Variants in ATP2B2 observed in about 807,000 individuals in gnomAD.
The protein encoded by ATP2B2 is ATPase plasma membrane Ca2+ transporting 2, also known as plasma membrane calcium-transporting ATPase 2.
A neutral mutation model predicts 120.0 loss-of-function variants in ATP2B2; 15 were observed. The ratio of observed to expected loss-of-function variants is 0.12; its 90% CI spans 0.08 to 0.19. The LOEUF (loss-of-function observed/expected upper bound fraction) is 0.19. Among genes scored for constraint, ATP2B2 ranks in the 10% least tolerant of loss-of-function variants. The pLI, the probability that ATP2B2 is intolerant of heterozygous loss-of-function variation, is 1.00. For missense variants in ATP2B2, 1,045 were observed against 1,719.8 expected (o/e 0.61, Z 6.94); for synonymous variants, 694 against 700.3 (o/e 0.99, Z 0.14).
chr3:10,545,227 CA>C (rs1253573172), intron 2 of ATP2B2, among the ~76,000 whole-genome samples: 1 of 152,194 alleles, frequency 6.6e-6, no homozygotes, highest in African/African-American at 2.4e-5. Flanking sequence ...CATACACACA[CA>C]TGAAAGAAAA....
At chr3:10,365,882 G>T (rs1034374582) in intron 12 of ATP2B2, among the ~76,000 whole-genome samples, 2 of 31,354 alleles carry the variant, frequency 6.4e-5, no homozygotes, top group African/African-American at 2.5e-4. Context: ...GTCACTGTGT[G>T]CATATCAGGG....
Position 10,402,496 on chromosome 3 carries a change from G to T in ATP2B2, c.398-148C>A. Reference sequence around the variant, plus strand: ...CTTACTCAGTGTGTCTGGGTACCAAGCCCTGTGGAAAGTGCTTCACGCAGA... The same window carrying T: ...CTTACTCAGTGTGTCTGGGTACCAATCCCTGTGGAAAGTGCTTCACGCAGA... On this transcript the variant is annotated intron_variant, in intron 3 of 22. Coordinates refer to ENST00000360273, the MANE Select transcript of ATP2B2 (RefSeq NM_001001331.4). This position sits in a 1 kb window ranked among gnomAD's most constrained non-coding sequence, Gnocchi z 4.9. 8.0e-7 allele frequency: 1 copy of T among 1,247,090 alleles called. No homozygotes were observed. The highest frequency in any genetic ancestry group is 2.6e-4 in the Middle Eastern group (1 of 3,886). The allele number at this position is 1,247,090 out of a possible 1,614,324, so 77.3% of individuals were successfully genotyped here. A position where few individuals can be genotyped will look rare whatever the true frequency, so the allele number is the denominator to read the frequency against.
At chr3:10,383,155 A>G (rs2061579774) in intron 8 of ATP2B2, among the ~76,000 whole-genome samples, 1 of 151,652 alleles carries the variant, frequency 6.6e-6, no homozygotes, top group Admixed American at 6.6e-5. Flanking sequence ...AATAAAATAA[A>G]AAACTGAGAT....
chr3:10,342,989 G>C lies in ATP2B2; in HGVS notation c.2704-24C>G. 1 of 1,609,526 alleles carries C rather than the reference G, an allele frequency of 6.2e-7. No homozygotes were observed. The highest frequency in any genetic ancestry group is 8.5e-7 in the Non-Finnish European group (1 of 1,176,464). The stretch of plus-strand genomic sequence containing the variant: ...TCCTGGGGACGGGCAGGAGAGGGCT[G>C]TCACCTGTGCGCCCACCTGCTGCTG... On this transcript the variant is annotated intron_variant, in intron 18 of 22. Coordinates refer to ENST00000360273, the MANE Select transcript of ATP2B2 (RefSeq NM_001001331.4). The surrounding 1 kb of genome is among the most constrained non-coding windows in gnomAD (Gnocchi z 4.4).
At chr3:10,519,148 A>G (rs1424264525) in intron 3 of ATP2B2, among the ~76,000 whole-genome samples, 2 of 152,224 alleles carry the variant, frequency 1.3e-5, no homozygotes, top group Non-Finnish European at 2.9e-5. Context: ...CAGCTTGCCC[A>G]AGGTCAAACA....
chr3:10,564,424 G>C (rs530981595), intron 2 of ATP2B2, among the ~76,000 whole-genome samples: 3 of 152,274 alleles, frequency 2.0e-5, no homozygotes, highest in African/African-American at 7.2e-5. Context: ...TAAGCCAGCA[G>C]CTCCTCCCAT....
chr3:10,326,258 CGTGTGTGTGT>C lies in ATP2B2; in HGVS notation c.*2546_*2555del, dbSNP rs113724179. ...GTGAGTTTTGACAAACCAACCATTT[CGTGTGTGTGT>C]GTGTGTATGTGTGCAAGTGTGAGAG... On this transcript the variant is annotated 3_prime_UTR_variant, in exon 23 of 23. Transcript: ENST00000360273. 3 of 153,094 alleles carry C rather than the reference CGTGTGTGTGT, an allele frequency of 2.0e-5. No individual in the cohort carries two copies. Among genetic ancestry groups the C allele is most frequent in the South Asian group, 2.1e-4 (1 of 4,786 alleles). 9.5% of individuals were successfully genotyped at this position (153,094 alleles called of 1,614,324 possible). A position where few individuals can be genotyped will look rare whatever the true frequency, so the allele number is the denominator to read the frequency against.
chr3:10,392,518 CAA>C (rs959189292), intron 5 of ATP2B2, among the ~76,000 whole-genome samples: 16 of 152,240 alleles, frequency 1.1e-4, no homozygotes, highest in African/African-American at 3.6e-4. Flanking sequence ...ACATCCAAGT[CAA>C]AGCGCAGTGG....
chr3:10,608,736 T>C (rs1288126184), intron 2 of ATP2B2, among the ~76,000 whole-genome samples: 1 of 152,252 alleles, frequency 6.6e-6, no homozygotes, highest in Non-Finnish European at 1.5e-5. Context: ...GAGGCCCCAC[T>C]GGCCTCTTCC....
intron 5 of ATP2B2, among the ~76,000 whole-genome samples, chr3:10,392,136 T>C (rs2061873301): frequency 6.6e-6 from 1 of 152,086 alleles, no homozygotes; most frequent in Non-Finnish European, 1.5e-5. Flanking sequence ...ATGAGCCCCT[T>C]GAAGGCAGTG....
intron 2 of ATP2B2, among the ~76,000 whole-genome samples, chr3:10,597,974 G>C (rs567337783): frequency 6.6e-6 from 1 of 152,254 alleles, no homozygotes; most frequent in African/African-American, 2.4e-5. Flanking sequence ...ATTTGAACAG[G>C]ATGCTGGATT....
At chr3:10,466,019 C>A (rs967625117) in intron 1 of ATP2B2, among the ~76,000 whole-genome samples, 8 of 152,200 alleles carry the variant, frequency 5.3e-5, no homozygotes, top group African/African-American at 1.9e-4. Flanking sequence ...CTGCTTGAAT[C>A]CAGAGATCAG....
chr3:10,357,923 C>T (rs530372851), intron 14 of ATP2B2, among the ~76,000 whole-genome samples: 1 of 152,336 alleles, frequency 6.6e-6, no homozygotes, highest in South Asian at 2.1e-4. Context: ...CCCCTGACCC[C>T]GGCAGCTCCA....
Position 10,360,054 on chromosome 3 carries a change from C to G in ATP2B2, c.1729G>C (p.Val577Leu). ...NKTECGLLGFVLDLKQDYEPV... is the reference protein window; with the variant it reads ...NKTECGLLGFLLDLKQDYEPV... ...TCGTAGTCCTGCTTCAGGTCCAGCA[C>G]GAAGCCCAGCAGGCCGCACTCCGTC... The change falls in exon 13 of 23, where the codon GTG (valine) becomes CTG (leucine). Residue 577 changes from valine to leucine, a missense_variant. Around this residue, in one of 11 missense-constraint regions of ATP2B2, gnomAD observed 343 missense variants for 536.8 expected, o/e 0.64. Coordinates refer to ENST00000360273, the MANE Select transcript of ATP2B2 (RefSeq NM_001001331.4). 6.2e-7 allele frequency: 1 copy of G among 1,612,528 alleles called. No individual in the cohort carries two copies. The highest frequency in any genetic ancestry group is 1.1e-5 in the South Asian group (1 of 91,074).
chr3:10,611,120 G>A (rs2069225564), intron 2 of ATP2B2, among the ~76,000 whole-genome samples: 1 of 152,218 alleles, frequency 6.6e-6, no homozygotes, highest in South Asian at 2.1e-4. Context: ...CCACCCTCAG[G>A]AGGCACCGTC....
chr3:10,655,876 TCC>T (rs1216032446), intron 1 of ATP2B2, among the ~76,000 whole-genome samples: 1 of 152,214 alleles, frequency 6.6e-6, no homozygotes, highest in Non-Finnish European at 1.5e-5. Context: ...TCAACGTGCC[TCC>T]TCCTTCTTCA....
chr3:10,594,403 T>C (rs1440128639), intron 2 of ATP2B2, among the ~76,000 whole-genome samples: 14 of 152,080 alleles, frequency 9.2e-5, no homozygotes, highest in Non-Finnish European at 1.6e-4. Context: ...AATGATGAGT[T>C]CATGTCCTTT....
chr3:10,346,352 C>T lies in ATP2B2; in HGVS notation c.2405-215G>A, dbSNP rs944831398. 7.9e-5 allele frequency among the ~76,000 whole-genome samples: 12 copies of T among 152,222 alleles called. No individual in the cohort carries two copies. The highest frequency in any genetic ancestry group is 2.9e-4 in the African/African-American group (12 of 41,456). The stretch of plus-strand genomic sequence containing the variant: ...TTACTGGGCTGGTGCCGACTTGGGG[C>T]CCCCTGTGGCCCGGGCCCTGCTCAC... On this transcript the variant is annotated intron_variant, in intron 16 of 22. Transcript: ENST00000360273. This position sits in a 1 kb window ranked among gnomAD's most constrained non-coding sequence, Gnocchi z 4.1.
At chr3:10,419,222 C>T (rs955541062) in intron 2 of ATP2B2, among the ~76,000 whole-genome samples, 43 of 152,238 alleles carry the variant, frequency 2.8e-4, no homozygotes, top group African/African-American at 1.7e-4. Flanking sequence ...CCTCCCACCA[C>T]GGGTGGCCAC....
Sources: gnomAD v4.1 joint callset for allele counts (sites outside exome capture counted in the v4.1 genomes callset) on GRCh38, gnomAD v4.1.1 for gene constraint, gnomAD v4.1.1 regional missense constraint, Gnocchi (gnomAD v3.1) non-coding constraint, MANE v1.5 for transcripts, NCBI Gene and HGNC (gene_info 2026-07-23, HGNC 2026-07-21) for gene names.